Variants in ZBTB47 observed in about 807,000 individuals in gnomAD.
ZBTB47 encodes zinc finger and BTB domain containing 47.
In ZBTB47, 24 loss-of-function variants were observed where a neutral mutation model predicts 56.6. The ratio of observed to expected loss-of-function variants is 0.42; its 90% CI spans 0.31 to 0.60. The LOEUF is 0.60. Ranked by LOEUF, ZBTB47 falls within the 20% of genes least tolerant of loss-of-function variation. ZBTB47 has a pLI of 0.14. For synonymous variants in ZBTB47, 414 were observed against 418.9 expected, an observed-to-expected ratio of 0.99 and a Z score of 0.14; for missense variants, 829 against 1,032.6, an observed-to-expected ratio of 0.80 and a Z score of 2.70.
In ZBTB47 at chr3:42,654,125, C is replaced by G. The variant is rs1270530419; in HGVS notation, c.-82+242C>G. On this transcript the variant is annotated intron_variant, in intron 1 of 5. Coordinates refer to ENST00000232974, the MANE Select transcript of ZBTB47 (RefSeq NM_145166.4). The surrounding 1 kb of genome is among the most constrained non-coding windows in gnomAD (Gnocchi z 5.0). ...TTTTCTGTTCGGATCCGGGGCCCGG[C>G]GCGCTCAGCTTCCTGATTTCACGGC... The G allele has an allele frequency of 6.6e-6, 1 of 152,166 alleles. No individual in the cohort carries two copies. Among genetic ancestry groups the G allele is most frequent in the African/African-American group, 2.4e-5 (1 of 41,424 alleles). The allele number at this position is 152,166 out of a possible 1,614,324, so 9.4% of individuals were successfully genotyped here. A position where few individuals can be genotyped will look rare whatever the true frequency, so the allele number is the denominator to read the frequency against.
rs565659277 is a variant in ZBTB47, at chr3:42,667,106, A to G, written c.*2508A>G. Among the ~76,000 whole-genome samples the G allele has an allele frequency of 5.9e-5, 9 of 152,368 alleles. No individual in the cohort carries two copies. The South Asian group carries it at 1.7e-3, about 28-fold the overall frequency. ...TTTTATTTAAAACAAAACAACACAA[A>G]AAAACAATGTGCCCCCAGATGTCAG... On this transcript the variant is annotated 3_prime_UTR_variant, in exon 6 of 6. Transcript: ENST00000232974.
Position 42,658,631 on chromosome 3 carries a change from C to T in ZBTB47, c.276C>T (p.Ala92=), listed in dbSNP as rs552684984. Residue 92 remains alanine, a synonymous_variant, in exon 2 of 6, where the codon GCC becomes GCT. Transcript: ENST00000232974. The part of the protein sequence containing the change: ...NAANVHEVLS[A]ASLLQMADIA... ...CCAACGTCCACGAGGTGCTCAGCGC[C>T]GCCTCATTGCTGCAGATGGCTGACA... is the stretch of plus-strand genomic sequence containing the variant. 5.4e-5 allele frequency: 83 copies of T among 1,536,900 alleles called. No individual in the cohort carries two copies. Among genetic ancestry groups the T allele is most frequent in the Admixed American group, 1.6e-4 (8 of 51,008 alleles).
At chr3:42,655,252 A>G (rs1407058831) in intron 1 of ZBTB47, among the ~76,000 whole-genome samples, 1 of 152,154 alleles carries the variant, frequency 6.6e-6, no homozygotes, top group South Asian at 2.1e-4. Context: ...CCTAGAGGTC[A>G]TGAGCCTGTG....
At chr3:42,661,278 A>G (rs1710713966) in intron 2 of ZBTB47, among the ~76,000 whole-genome samples, 1 of 152,200 alleles carries the variant, frequency 6.6e-6, no homozygotes, top group Admixed American at 6.5e-5. Context: ...TCAAGGATGA[A>G]GGAGGACACC....
At position 42,656,994 on chromosome 3, in the gene ZBTB47, G is replaced by A. The variant is rs1466906695; in HGVS notation, c.-81-1281G>A. 6.6e-6 allele frequency among the ~76,000 whole-genome samples: 1 copy of A among 152,218 alleles called. No homozygotes were observed. Among genetic ancestry groups the A allele is most frequent in the African/African-American group, 2.4e-5 (1 of 41,458 alleles). On this transcript the variant is annotated intron_variant, in intron 1 of 5. Transcript: ENST00000232974. The surrounding 1 kb of genome is among the most constrained non-coding windows in gnomAD (Gnocchi z 5.8). Reference sequence around the variant, plus strand: ...GAATGCAGGAGGCTCAGACCTGGTTGGGCAGGCCCTGAGGAGAGCCAGAAC... The same window carrying A: ...GAATGCAGGAGGCTCAGACCTGGTTAGGCAGGCCCTGAGGAGAGCCAGAAC...
chr3:42,659,364 C>T lies in ZBTB47; in HGVS notation c.1009C>T (p.Pro337Ser). ...EEEEEEEEEGPSEQDQESSEE... is the reference protein window; with the variant it reads ...EEEEEEEEEGSSEQDQESSEE... ...AGAGGAGGAGGAAGAGGAGGAAGGG[C>T]CTAGTGAGCAGGATCAAGAGAGCTC... Residue 337 changes from proline to serine, a missense_variant, in exon 2 of 6, where the codon CCT becomes TCT. By Grantham distance (74) the Pro-to-Ser change is moderately conservative. Transcript: ENST00000232974. 1 of 1,451,706 alleles carries T rather than the reference C, an allele frequency of 6.9e-7. No individual in the cohort carries two copies. Among genetic ancestry groups the T allele is most frequent in the Non-Finnish European group, 9.1e-7 (1 of 1,094,786 alleles). The allele number at this position is 1,451,706 out of a possible 1,614,324, so 89.9% of individuals were successfully genotyped here.
intron 1 of ZBTB47, among the ~76,000 whole-genome samples, chr3:42,657,423 G>T (rs1022884332): frequency 6.6e-6 from 1 of 152,208 alleles, no homozygotes; most frequent in Non-Finnish European, 1.5e-5. Context: ...TGGTAGGCAG[G>T]TTCCACAGCT....
chr3:42,663,715 G>A lies in ZBTB47; in HGVS notation c.1738-82G>A. The A allele has an allele frequency of 1.9e-6, 3 of 1,551,822 alleles. No individual in the cohort carries two copies. The highest frequency in any genetic ancestry group is 2.6e-6 in the Non-Finnish European group (3 of 1,139,568). On this transcript the variant is annotated intron_variant, in intron 4 of 5. Transcript: ENST00000232974. The surrounding 1 kb of genome is among the most constrained non-coding windows in gnomAD (Gnocchi z 5.1). ...CCTGAGTGTGTCCCTCCTTGGCCCTGTGGCCACAGGGGAGCTGTTCCCTCC... is the reference window on the plus strand; with the variant it reads ...CCTGAGTGTGTCCCTCCTTGGCCCTATGGCCACAGGGGAGCTGTTCCCTCC...
At chr3:42,657,193 C>T (rs1710649013) in intron 1 of ZBTB47, among the ~76,000 whole-genome samples, 1 of 152,192 alleles carries the variant, frequency 6.6e-6, no homozygotes, top group African/African-American at 2.4e-5. Context: ...GGCTTCTATT[C>T]CAGGCAATTC....
At chr3:42,653,062 G>A (rs1710585295), upstream of ZBTB47, among the ~76,000 whole-genome samples, 1 of 152,242 alleles carries the variant, frequency 6.6e-6, no homozygotes, top group South Asian at 2.1e-4. Flanking sequence ...TGCAGCAGCT[G>A]CCAGGGGCTT....
rs1710777581 is a variant in ZBTB47 at position 42,665,465 on chromosome 3, G to C, written c.*867G>C. The C allele has an allele frequency of 6.5e-6, 1 of 152,836 alleles. No individual in the cohort carries two copies. The highest frequency in any genetic ancestry group is 2.4e-5 in the African/African-American group (1 of 41,442). 9.5% of individuals were successfully genotyped at this position (152,836 alleles called of 1,614,324 possible). A position where few individuals can be genotyped will look rare whatever the true frequency, so the allele number is the denominator to read the frequency against. On this transcript the variant is annotated 3_prime_UTR_variant, in exon 6 of 6. Transcript: ENST00000232974. ...GGGCAGAGTCCTAGGATGAGGCTTG[G>C]GCAGTGCTGGTAGGGTTTCAAGGTG...
rs777435496 is a variant in ZBTB47, at chr3:42,659,208, G to A, written c.853G>A (p.Glu285Lys). The change falls in exon 2 of 6, where the codon GAG becomes AAG. Residue 285 changes from glutamate to lysine, a missense_variant. By Grantham distance (56) the Glu-to-Lys change is moderately conservative. Transcript: ENST00000232974. Reference protein sequence around the residue: ...HSDEEEEDDEEEEEEEEEEEG... With the variant: ...HSDEEEEDDEKEEEEEEEEEG... The stretch of plus-strand genomic sequence containing the variant: ...GGACGAGGAGGAGGAGGACGACGAG[G>A]AGGAGGAGGAGGAAGAAGAGGAAGA... 2.6e-6 allele frequency: 4 copies of A among 1,525,598 alleles called. No homozygotes were observed. The highest frequency in any genetic ancestry group is 3.5e-6 in the Non-Finnish European group (4 of 1,141,534). The allele number at this position is 1,525,598 out of a possible 1,614,324, so 94.5% of individuals were successfully genotyped here.
intron 3 of ZBTB47, 46 bp from the exon 4 acceptor site, chr3:42,662,966 T>G: frequency 6.8e-7 from 1 of 1,468,324 alleles, no homozygotes; most frequent in Non-Finnish European, 9.5e-7. Flanking sequence ...GTCGGGGTGC[T>G]TGGGCAGGCC....
chr3:42,658,825 G>T lies in ZBTB47; in HGVS notation c.470G>T (p.Arg157Leu), dbSNP rs768343321. The change falls in exon 2 of 6, where the codon CGC becomes CTC. Residue 157 changes from arginine (R) to leucine (L), a missense_variant. Arg to Leu is a moderately radical substitution (Grantham distance 102, BLOSUM62 -2). This residue lies in a region of ZBTB47 where 359 missense variants were observed against 359.8 expected (regional missense o/e 1.00). Transcript: ENST00000232974. ...DTPGLPKIYA[R>L]EGPDPYSVRV... is the part of the protein sequence containing the mutation. ...CCAGGCCTGCCCAAGATCTATGCCC[G>T]CGAGGGCCCTGACCCTTACTCGGTG... is the stretch of plus-strand genomic sequence containing the variant. The T allele has an allele frequency of 3.9e-6, 6 of 1,533,780 alleles. No homozygotes were observed. The East Asian group carries it at 1.2e-4, about 31-fold the overall frequency.
In ZBTB47 at chr3:42,664,704, C is replaced by T. The variant is rs1710763494; in HGVS notation, c.*106C>T. 2 of 1,271,542 alleles carry T rather than the reference C, an allele frequency of 1.6e-6. No individual in the cohort carries two copies. The highest frequency in any genetic ancestry group is 4.0e-5 in the Admixed American group (1 of 24,970). 78.8% of individuals were successfully genotyped at this position (1,271,542 alleles called of 1,614,324 possible). A position where few individuals can be genotyped will look rare whatever the true frequency, so the allele number is the denominator to read the frequency against. ...CACAGTAGTGCGGGCCTGGGCCCTGCTCCACCTCCAGAAGTGGCTGGATGT... is the reference window on the plus strand; with the variant it reads ...CACAGTAGTGCGGGCCTGGGCCCTGTTCCACCTCCAGAAGTGGCTGGATGT... On this transcript the variant is annotated 3_prime_UTR_variant, in exon 6 of 6. Transcript: ENST00000232974.
Position 42,663,140 on chromosome 3 carries a change from C to T in ZBTB47, c.1737+13C>T. The T allele has an allele frequency of 6.2e-7, 1 of 1,602,370 alleles. No homozygotes were observed. Among genetic ancestry groups the T allele is most frequent in the Non-Finnish European group, 8.5e-7 (1 of 1,169,648 alleles). On this transcript the variant is annotated intron_variant, in intron 4 of 5. Transcript: ENST00000232974. The surrounding 1 kb of genome is among the most constrained non-coding windows in gnomAD (Gnocchi z 5.1). ...GTTCAGATGTGAGGTGAGCTTCCAT[C>T]TCCTGCCTGGCCTGCCCGAGGGGTC...
In ZBTB47 at chr3:42,665,611, C is replaced by T. The variant is rs934144623; in HGVS notation, c.*1013C>T. The T allele has an allele frequency of 4.6e-5, 7 of 152,876 alleles. No individual in the cohort carries two copies. Among genetic ancestry groups the T allele is most frequent in the Non-Finnish European group, 1.0e-4 (7 of 68,242 alleles). 9.5% of individuals were successfully genotyped at this position (152,876 alleles called of 1,614,324 possible). A position where few individuals can be genotyped will look rare whatever the true frequency, so the allele number is the denominator to read the frequency against. On this transcript the variant is annotated 3_prime_UTR_variant, in exon 6 of 6. Coordinates refer to ENST00000232974, the MANE Select transcript of ZBTB47 (RefSeq NM_145166.4). ...GTGGCTGTGTCCATCTCTGCTCCCC[C>T]AAAGGCCCGCTCTAGGCCTTATCCT...
chr3:42,656,052 G>T lies in ZBTB47; in HGVS notation c.-82+2169G>T, dbSNP rs927737340. On this transcript the variant is annotated intron_variant, in intron 1 of 5. Transcript: ENST00000232974. This position sits in a 1 kb window ranked among gnomAD's most constrained non-coding sequence, Gnocchi z 5.8. ...GAGATCTGGGGCTCTGTTGCCTGGG[G>T]TGGACTTCCCCCAACAGGCCTGGCT... Among the ~76,000 whole-genome samples the T allele has an allele frequency of 1.3e-5, 2 of 152,204 alleles. No individual in the cohort carries two copies. The highest frequency in any genetic ancestry group is 2.9e-5 in the Non-Finnish European group (2 of 68,032).
chr3:42,655,288 C>A (rs1012976041), intron 1 of ZBTB47, among the ~76,000 whole-genome samples: 1 of 152,178 alleles, frequency 6.6e-6, no homozygotes, highest in Non-Finnish European at 1.5e-5. Flanking sequence ...TGGGCCCCCC[C>A]ACTGCTGCCC....
Sources: allele counts gnomAD v4.1 joint callset (sites outside exome capture counted in the v4.1 genomes callset), GRCh38; gene constraint gnomAD v4.1.1; regional missense constraint gnomAD v4.1.1; non-coding constraint Gnocchi (gnomAD v3.1); transcripts MANE v1.5; gene names NCBI Gene and HGNC (gene_info 2026-07-23, HGNC 2026-07-21).